SMAP2: variants seen among roughly 807,000 people sequenced by gnomAD.
SMAP2 encodes the protein small ArfGAP2.
SMAP2 carries 25 observed loss-of-function variants against 56.4 expected under a neutral mutation model. The observed-to-expected ratio is 0.44, with a 90% CI of 0.32 to 0.62. The LOEUF is 0.62. Among genes scored for constraint, SMAP2 ranks in the 20% least tolerant of loss-of-function variants. The pLI is 0.04. For synonymous variants in SMAP2, 157 were observed against 181.7 expected (o/e 0.86, Z 1.09); for missense variants, 388 against 545.6 (o/e 0.71, Z 2.88).
At chr1:40,356,611 T>C (rs541536680) in intron 1 of SMAP2, among the ~76,000 whole-genome samples, 3 of 152,122 alleles carry the variant, frequency 2.0e-5, no homozygotes, top group South Asian at 2.1e-4. Flanking sequence ...GGGGTTTCAC[T>C]GTGTCAACCA....
intron 4 of SMAP2, 148 bp downstream of exon 4, chr1:40,409,983 C>A: frequency 1.7e-6 from 1 of 599,942 alleles, no homozygotes; most frequent in Non-Finnish European, 3.0e-6. Context: ...TGGCTCATCC[C>A]CTAATCCCAT....
chr1:40,380,200 A>G (rs1290602159), intron 1 of SMAP2, among the ~76,000 whole-genome samples: 1 of 152,236 alleles, frequency 6.6e-6, no homozygotes, highest in Non-Finnish European at 1.5e-5. Context: ...AGCCACAGTT[A>G]GAATGACTCA....
chr1:40,407,247 G>A (rs1644893797), intron 2 of SMAP2, among the ~76,000 whole-genome samples: 1 of 152,132 alleles, frequency 6.6e-6, no homozygotes. Flanking sequence ...CACTTTGTAA[G>A]GCCGAGGTGG....
chr1:40,387,831 T>A (rs1284855968), intron 1 of SMAP2, among the ~76,000 whole-genome samples: 3 of 133,138 alleles, frequency 2.3e-5, no homozygotes, highest in Non-Finnish European at 3.3e-5. Context: ...GCTGGCTCCC[T>A]CGGCTTGCGG....
At position 40,385,206 on chromosome 1, in the gene SMAP2, G is replaced by C. The variant is rs1644641966; in HGVS notation, c.103+10983G>C. ...CTTGCCCTGGAATCCCACCTTTGTA[G>C]CATGTCACTCGGTAGTAGTAGAATT... On this transcript the variant is annotated intron_variant, in intron 1 of 9. Coordinates refer to ENST00000372718, the MANE Select transcript of SMAP2 (RefSeq NM_022733.3). The surrounding 1 kb of genome is among the most constrained non-coding windows in gnomAD (Gnocchi z 4.5). Among the ~76,000 whole-genome samples the C allele has an allele frequency of 6.6e-6, 1 of 152,118 alleles. No individual in the cohort carries two copies. Among genetic ancestry groups the C allele is most frequent in the Non-Finnish European group, 1.5e-5 (1 of 68,020 alleles).
At chr1:40,414,326 C>A in intron 6 of SMAP2, 86 bp downstream of exon 6, 1 of 1,282,142 alleles carries the variant, frequency 7.8e-7, no homozygotes. Flanking sequence ...AGATGGGGTT[C>A]TCCAGTTTTG....
chr1:40,354,568 A>T (rs759538399), intron 1 of SMAP2, among the ~76,000 whole-genome samples: 10 of 151,144 alleles, frequency 6.6e-5, no homozygotes, highest in Non-Finnish European at 4.4e-5. Context: ...CAAATTCCTG[A>T]CCTTGGGATC....
rs1025779823 is a variant in SMAP2 at position 40,422,155 on chromosome 1, C to T, written c.*54C>T. 1.3e-5 allele frequency: 21 copies of T among 1,603,972 alleles called. No homozygotes were observed. Among genetic ancestry groups the T allele is most frequent in the Non-Finnish European group, 1.8e-5 (21 of 1,176,056 alleles). On this transcript the variant is annotated 3_prime_UTR_variant, in exon 10 of 10. Coordinates refer to ENST00000372718, the MANE Select transcript of SMAP2 (RefSeq NM_022733.3). Reference sequence around the variant, plus strand: ...TCTTCAGCCCTCGCTCTCCCCTTTCCACAGCCTCCACCCCTGACCCCCATC... The same window carrying T: ...TCTTCAGCCCTCGCTCTCCCCTTTCTACAGCCTCCACCCCTGACCCCCATC...
chr1:40,394,487 G>A (rs2124288562), intron 1 of SMAP2, among the ~76,000 whole-genome samples: 1 of 152,242 alleles, frequency 6.6e-6, no homozygotes, highest in East Asian at 1.9e-4. Context: ...GCAACTGGGG[G>A]CTTCATTGGC....
chr1:40,416,695 G>A (rs1302724452), intron 8 of SMAP2, 85 bp from the exon 9 acceptor site: 2 of 1,353,876 alleles, frequency 1.5e-6, no homozygotes, highest in East Asian at 2.4e-5. Context: ...AGAAATTCCA[G>A]CTGGAAAGGG....
intron 9 of SMAP2, among the ~76,000 whole-genome samples, chr1:40,419,395 G>A (rs781600381): frequency 1.3e-5 from 2 of 150,312 alleles, no homozygotes; most frequent in South Asian, 2.1e-4. Context: ...ATTCTTCTGC[G>A]TCAGCCTCCC....
intron 1 of SMAP2, among the ~76,000 whole-genome samples, chr1:40,350,290 A>C (rs1484403257): frequency 7.9e-5 from 12 of 152,212 alleles, no homozygotes; most frequent in Admixed American, 7.9e-4. Flanking sequence ...GACATCCCCA[A>C]GTGTGCCTCA....
chr1:40,394,613 A>G (rs1429005989), intron 1 of SMAP2, among the ~76,000 whole-genome samples: 1 of 152,110 alleles, frequency 6.6e-6, no homozygotes, highest in Non-Finnish European at 1.5e-5. Flanking sequence ...TATAAAAACA[A>G]TCATAGCAGC....
intron 1 of SMAP2, among the ~76,000 whole-genome samples, chr1:40,360,004 C>CTTTTTTTTTTTTTTTTTTTTT (rs775408458): frequency 3.9e-5 from 4 of 102,496 alleles, no homozygotes; most frequent in South Asian, 3.3e-4. Flanking sequence ...CTTCTTCTTT[C>CTTTTTTTTTTTTTTTTTTTTT]TTTTTTTTTT....
At chr1:40,401,346 A>C (rs1644832530) in intron 1 of SMAP2, among the ~76,000 whole-genome samples, 1 of 152,160 alleles carries the variant, frequency 6.6e-6, no homozygotes, top group African/African-American at 2.4e-5. Flanking sequence ...ATTCTGGAAA[A>C]GTTTCCAAGA....
rs1055048099 is a variant in SMAP2, at chr1:40,422,481, G to T, written c.*380G>T. ...GGTGTTGTATATTAGGCAAACAGGG[G>T]AAAGCTTAGAGGTCCTTCTATATGT... is the stretch of plus-strand genomic sequence containing the variant. On this transcript the variant is annotated 3_prime_UTR_variant, in exon 10 of 10. Coordinates refer to ENST00000372718, the MANE Select transcript of SMAP2 (RefSeq NM_022733.3). 4.7e-6 allele frequency: 1 copy of T among 214,316 alleles called. No homozygotes were observed. The highest frequency in any genetic ancestry group is 2.2e-5 in the African/African-American group (1 of 44,984). 13.3% of individuals were successfully genotyped at this position (214,316 alleles called of 1,614,324 possible).
At chr1:40,399,135 A>G (rs945457733) in intron 1 of SMAP2, among the ~76,000 whole-genome samples, 2 of 151,644 alleles carry the variant, frequency 1.3e-5, no homozygotes, top group African/African-American at 4.8e-5. Flanking sequence ...TTTTTATTTC[A>G]TTGATTTATT....
rs1176886228 is a variant in SMAP2, at chr1:40,386,214, C to T, written c.103+11991C>T. ...ACGGAAACCAATTTGAGTGTGACAG[C>T]TGATTTGAGAAAGAATGAATTAAGA... On this transcript the variant is annotated intron_variant, in intron 1 of 9. Coordinates refer to ENST00000372718, the MANE Select transcript of SMAP2 (RefSeq NM_022733.3). The surrounding 1 kb of genome is among the most constrained non-coding windows in gnomAD (Gnocchi z 4.1). 6.6e-6 allele frequency among the ~76,000 whole-genome samples: 1 copy of T among 152,204 alleles called. No individual in the cohort carries two copies. The highest frequency in any genetic ancestry group is 1.5e-5 in the Non-Finnish European group (1 of 68,036).
chr1:40,386,657 G>A lies in SMAP2; in HGVS notation c.103+12434G>A, dbSNP rs1423826493. On this transcript the variant is annotated intron_variant, in intron 1 of 9. Coordinates refer to ENST00000372718, the MANE Select transcript of SMAP2 (RefSeq NM_022733.3). The surrounding 1 kb of genome is among the most constrained non-coding windows in gnomAD (Gnocchi z 4.1). ...GATTTGTTGCCATAGGAACAGACCA[G>A]TTGTTTTCTGTCTTGTGGGATTTTA... Among the ~76,000 whole-genome samples, 6 of 148,768 alleles carry A rather than the reference G, an allele frequency of 4.0e-5. No homozygotes were observed. The highest frequency in any genetic ancestry group is 1.6e-4 in the African/African-American group (6 of 38,214).
Sources: allele counts gnomAD v4.1 joint callset (sites outside exome capture counted in the v4.1 genomes callset), GRCh38; gene constraint gnomAD v4.1.1; non-coding constraint Gnocchi (gnomAD v3.1); transcripts MANE v1.5; gene names NCBI Gene and HGNC (gene_info 2026-07-23, HGNC 2026-07-21).